The following PLCL1 variants were observed in gnomAD, a reference collection of about 807,000 sequenced individuals.
PLCL1 encodes the protein inactive phospholipase C-like protein 1.
PLCL1 carries 41 observed loss-of-function variants against 84.4 expected under a neutral mutation model. The ratio of observed to expected loss-of-function variants is 0.49; its 90% CI spans 0.38 to 0.63. The LOEUF is 0.63. Among genes scored for constraint, PLCL1 ranks in the 30% least tolerant of loss-of-function variants. The pLI is 0.00. For synonymous variants in PLCL1, 490 were observed against 488.3 expected (o/e 1.00, Z -0.05); for missense variants, 1,206 against 1,367.8 (o/e 0.88, Z 1.87).
rs1692806390 is a variant in PLCL1, at chr2:198,084,556, C to T, written c.1039C>T (p.His347Tyr). 1 of 1,613,558 alleles carries T rather than the reference C, an allele frequency of 6.2e-7. No individual in the cohort carries two copies. The highest frequency in any genetic ancestry group is 1.3e-5 in the African/African-American group (1 of 74,888). The change falls in exon 2 of 6, where the codon CAT becomes TAT. Residue 347 changes from histidine to tyrosine, a missense_variant. Physicochemically the swap from His to Tyr is moderately conservative, Grantham distance 83. Coordinates refer to ENST00000428675, the MANE Select transcript of PLCL1 (RefSeq NM_006226.4). ...LFLEAEQGVTHITEDICLDII... is the reference protein window; with the variant it reads ...LFLEAEQGVTYITEDICLDII... ...TTTAGAAGCTGAGCAAGGAGTCACC[C>T]ATATCACCGAGGATATATGCTTAGA...
chr2:197,864,349 CTT>C (rs751518994), intron 1 of PLCL1, among the ~76,000 whole-genome samples: 106 of 131,262 alleles, frequency 8.1e-4, no homozygotes, highest in African/African-American at 2.6e-3. Flanking sequence ...TCAACTCTTT[CTT>C]TTTTTTTTTT....
chr2:197,830,922 T>C (rs1691045880), intron 1 of PLCL1, among the ~76,000 whole-genome samples: 2 of 152,144 alleles, frequency 1.3e-5, no homozygotes, highest in Non-Finnish European at 2.9e-5. Context: ...AAACTAAGCT[T>C]CATAAATGAA....
At chr2:198,028,119 G>A (rs1691317520) in intron 1 of PLCL1, among the ~76,000 whole-genome samples, 1 of 152,134 alleles carries the variant, frequency 6.6e-6, no homozygotes, top group African/African-American at 2.4e-5. Flanking sequence ...GGGATTTCAG[G>A]CATGAGCTGC....
intron 1 of PLCL1, among the ~76,000 whole-genome samples, chr2:197,849,129 C>G (rs1687174629): frequency 6.6e-6 from 1 of 152,184 alleles, no homozygotes; most frequent in Admixed American, 6.5e-5. Context: ...ACCATCTTCC[C>G]TGCCTTCTTT....
At position 197,985,390 on chromosome 2, in the gene PLCL1, C is replaced by T. The variant is rs552566451; in HGVS notation, c.241-98368C>T. On this transcript the variant is annotated intron_variant, in intron 1 of 5. Coordinates refer to ENST00000428675, the MANE Select transcript of PLCL1 (RefSeq NM_006226.4). ...GGATGGCAGTAGGCTGAATTACATT[C>T]CTGCATGGCAGTAGGCTGAATTCTT... is the stretch of plus-strand genomic sequence containing the variant. 3.3e-5 allele frequency among the ~76,000 whole-genome samples: 5 copies of T among 152,176 alleles called. No homozygotes were observed. In the East Asian group the frequency reaches 5.8e-4, roughly 18 times the overall value.
intron 5 of PLCL1, among the ~76,000 whole-genome samples, chr2:198,122,657 C>G (rs1011748109): frequency 8.6e-5 from 13 of 151,880 alleles, no homozygotes; most frequent in Admixed American, 2.0e-4. Context: ...TTGGGTATAC[C>G]AGAAAGAAGT....
intron 5 of PLCL1, among the ~76,000 whole-genome samples, chr2:198,130,705 G>A (rs1694099198): frequency 6.6e-6 from 1 of 151,914 alleles, no homozygotes; most frequent in Non-Finnish European, 1.5e-5. Context: ...AAATCCTGGG[G>A]GTTATCCTTG....
intron 5 of PLCL1, among the ~76,000 whole-genome samples, chr2:198,129,911 C>CA (rs1382905238): frequency 6.6e-5 from 10 of 152,172 alleles, no homozygotes; most frequent in African/African-American, 2.4e-4. Context: ...CACCTTGTCA[C>CA]AAAATCTCAT....
chr2:197,962,021 A>G lies in PLCL1; in HGVS notation c.241-121737A>G, dbSNP rs74894539. ...GCTATCCTTGGAATGTATATGGCATAGTATACAGTAAAGTTGTTTTTAATG... is the reference window on the plus strand; with the variant it reads ...GCTATCCTTGGAATGTATATGGCATGGTATACAGTAAAGTTGTTTTTAATG... On this transcript the variant is annotated intron_variant, in intron 1 of 5. Coordinates refer to ENST00000428675, the MANE Select transcript of PLCL1 (RefSeq NM_006226.4). Among the ~76,000 whole-genome samples the G allele has an allele frequency of 3.4e-3, 518 of 152,214 alleles. 8 individuals carry two copies. Among genetic ancestry groups the G allele is most frequent in the African/African-American group, 0.012 (496 of 41,554 alleles).
intron 5 of PLCL1, among the ~76,000 whole-genome samples, chr2:198,136,628 T>G (rs1363115654): frequency 6.6e-6 from 1 of 152,070 alleles, no homozygotes; most frequent in Admixed American, 6.6e-5. Context: ...GGCAGCCAGC[T>G]TATGTGGAAG....
rs1240335155 is a variant in PLCL1 at position 197,833,059 on chromosome 2, T to C, written c.240+27720T>C. 2.0e-5 allele frequency among the ~76,000 whole-genome samples: 3 copies of C among 152,224 alleles called. No individual in the cohort carries two copies. The East Asian group carries it at 5.8e-4, about 29-fold the overall frequency. On this transcript the variant is annotated intron_variant, in intron 1 of 5. Transcript: ENST00000428675. ...CCTTAATAAGGATACAAAAATTAGC[T>C]AGGCATGGTGACATGTGCCTGGAAT... is the stretch of plus-strand genomic sequence containing the variant.
intron 1 of PLCL1, among the ~76,000 whole-genome samples, chr2:197,821,783 A>C (rs970952849): frequency 6.6e-6 from 1 of 152,170 alleles, no homozygotes; most frequent in Non-Finnish European, 1.5e-5. Flanking sequence ...CCATGTGCTT[A>C]GGTAGAGATT....
At chr2:198,128,193 G>T (rs565805845) in intron 5 of PLCL1, among the ~76,000 whole-genome samples, 3 of 152,086 alleles carry the variant, frequency 2.0e-5, no homozygotes, top group Non-Finnish European at 2.9e-5. Flanking sequence ...TGTCCTATGG[G>T]GACAAGGGGA....
At chr2:198,051,338 A>G (rs1691925555) in intron 1 of PLCL1, among the ~76,000 whole-genome samples, 1 of 152,192 alleles carries the variant, frequency 6.6e-6, no homozygotes, top group Non-Finnish European at 1.5e-5. Flanking sequence ...TAGTTCCTAT[A>G]TACTCTATAT....
rs1694561920 is a variant in PLCL1, at chr2:198,147,789, A to G, written c.*827A>G. 6.6e-6 allele frequency: 1 copy of G among 152,286 alleles called. No individual in the cohort carries two copies. The highest frequency in any genetic ancestry group is 2.1e-4 in the South Asian group (1 of 4,826). 9.4% of individuals were successfully genotyped at this position (152,286 alleles called of 1,614,324 possible). A position where few individuals can be genotyped will look rare whatever the true frequency, so the allele number is the denominator to read the frequency against. ...TGATGTGACAATAATATTGTTGTAT[A>G]ATTTCGAGATTTGTAGGAAGGTCTC... On this transcript the variant is annotated 3_prime_UTR_variant, in exon 6 of 6. Transcript: ENST00000428675.
At chr2:197,995,487 C>A (rs1007961261) in intron 1 of PLCL1, among the ~76,000 whole-genome samples, 2 of 152,056 alleles carry the variant, frequency 1.3e-5, no homozygotes, top group Admixed American at 1.3e-4. Context: ...ACAGGAGACA[C>A]ATGGTATAAT....
intron 1 of PLCL1, among the ~76,000 whole-genome samples, chr2:198,046,066 AC>A (rs769702434): frequency 1.3e-5 from 2 of 152,166 alleles, no homozygotes; most frequent in Non-Finnish European, 2.9e-5. Context: ...AGGTTGGCAA[AC>A]TATAGCCTGC....
At chr2:198,099,722 A>C (rs1693285154) in intron 3 of PLCL1, among the ~76,000 whole-genome samples, 1 of 152,178 alleles carries the variant, frequency 6.6e-6, no homozygotes, top group Non-Finnish European at 1.5e-5. Context: ...GACAATGGGA[A>C]AAACAGAAAC....
chr2:197,901,749 G>C (rs1688273165), intron 1 of PLCL1, among the ~76,000 whole-genome samples: 1 of 152,180 alleles, frequency 6.6e-6, no homozygotes, highest in Non-Finnish European at 1.5e-5. Flanking sequence ...GTTATTCATT[G>C]AAAGGAGGCA....
Sources: gnomAD v4.1 joint callset for allele counts (sites outside exome capture counted in the v4.1 genomes callset) on GRCh38, gnomAD v4.1.1 for gene constraint, MANE v1.5 for transcripts, NCBI Gene and HGNC (gene_info 2026-07-23, HGNC 2026-07-21) for gene names.